TTC21B: variants seen among roughly 807,000 people sequenced by gnomAD.
The protein encoded by TTC21B is tetratricopeptide repeat protein 21B.
Under a neutral mutation model 175.1 loss-of-function variants are expected in TTC21B, and 127 were observed. The observed-to-expected ratio is 0.73, with a 90% confidence interval of 0.63 to 0.84. TTC21B has a LOEUF of 0.84. Among genes scored for constraint, TTC21B ranks in the 40% least tolerant of loss-of-function variants. The probability of loss-of-function intolerance (pLI) is 0.00; values close to 1 mark genes in which losing one functional copy is unlikely to be tolerated. For missense variants in TTC21B, 1,561 were observed against 1,558.3 expected, an observed-to-expected ratio of 1.00 and a Z score of -0.03; for synonymous variants, 524 against 524.5, an observed-to-expected ratio of 1.00 and a Z score of 0.01.
intron 11 of TTC21B, among the ~76,000 whole-genome samples, chr2:165,925,467 T>A (rs1686593865): frequency 6.6e-6 from 1 of 152,140 alleles, no homozygotes. Context: ...TTTCTTTATG[T>A]AAGGATGATC....
intron 19 of TTC21B, among the ~76,000 whole-genome samples, chr2:165,906,035 A>C (rs984986140): frequency 6.6e-6 from 1 of 152,144 alleles, no homozygotes; most frequent in African/African-American, 2.4e-5. Flanking sequence ...AAAGATAACA[A>C]GCAAATCAGA....
intron 6 of TTC21B, among the ~76,000 whole-genome samples, chr2:165,940,062 T>A (rs1312445603): frequency 6.6e-6 from 1 of 152,186 alleles, no homozygotes; most frequent in Non-Finnish European, 1.5e-5. Context: ...TTCATTATCA[T>A]CATTGTTGTT....
intron 14 of TTC21B, 52 bp downstream of exon 14, chr2:165,917,205 T>A: frequency 6.6e-7 from 1 of 1,515,072 alleles, no homozygotes; most frequent in Non-Finnish European, 9.2e-7. Flanking sequence ...CTAATATATA[T>A]GTTAGAATAA....
intron 24 of TTC21B, among the ~76,000 whole-genome samples, chr2:165,889,458 G>C (rs763949555): frequency 6.6e-6 from 1 of 152,140 alleles, no homozygotes; most frequent in African/African-American, 2.4e-5. Context: ...TATGCACTCT[G>C]CAGATGTCTC....
Position 165,880,747 on chromosome 2 carries a change from G to A in TTC21B, c.3737C>T (p.Ala1246Val). The A allele has an allele frequency of 6.2e-7, 1 of 1,613,290 alleles. No homozygotes were observed. The highest frequency in any genetic ancestry group is 8.5e-7 in the Non-Finnish European group (1 of 1,179,708). Reference protein sequence around the residue: ...YMGYIMEKEQAYTDAALNYEM... With the variant: ...YMGYIMEKEQVYTDAALNYEM... ...ATAGTTCAAGGCAGCATCTGTATAT[G>A]CTTGCTCTTTTTCCATAATGTATCC... Residue 1246 changes from alanine (A) to valine (V), a missense_variant, in exon 27 of 29, where the codon GCA becomes GTA. Coordinates refer to ENST00000243344, the MANE Select transcript of TTC21B (RefSeq NM_024753.5).
At chr2:165,925,060 G>T (rs148721131) in intron 11 of TTC21B, among the ~76,000 whole-genome samples, 75 of 152,258 alleles carry the variant, frequency 4.9e-4, no homozygotes, top group East Asian at 4.6e-3. Context: ...GTAAGTGTTC[G>T]AATTCTAGAT....
At chr2:165,891,100 T>C in intron 22 of TTC21B, 112 bp from the exon 23 acceptor site, 1 of 962,784 alleles carries the variant, frequency 1.0e-6, no homozygotes, top group Non-Finnish European at 1.6e-6. Flanking sequence ...ACATTTTAAA[T>C]ATAAATAAAA....
chr2:165,882,734 T>TC lies in TTC21B; in HGVS notation c.3684+1059dup, dbSNP rs1200614411. Among the ~76,000 whole-genome samples, 5 of 152,324 alleles carry TC rather than the reference T, an allele frequency of 3.3e-5. No homozygotes were observed. In the South Asian group the frequency reaches 6.2e-4, roughly 19 times the overall value. On this transcript the variant is annotated intron_variant, in intron 26 of 28. Coordinates refer to ENST00000243344, the MANE Select transcript of TTC21B (RefSeq NM_024753.5). ...TCAACCAGCAGGGCTGAATGAAGCT[T>TC]CTAAAGCAGCCATCATGTTCAACCA...
chr2:165,906,970 A>G (rs528264306), intron 19 of TTC21B, among the ~76,000 whole-genome samples: 10 of 151,188 alleles, frequency 6.6e-5, no homozygotes, highest in Admixed American at 2.6e-4. Flanking sequence ...AAAAAAAAAA[A>G]AAAAAAAGAA....
intron 19 of TTC21B, among the ~76,000 whole-genome samples, chr2:165,904,067 ATGTC>A (rs961705857): frequency 1.8e-4 from 28 of 152,264 alleles, no homozygotes; most frequent in African/African-American, 6.3e-4. Flanking sequence ...GTTGCTTCAT[ATGTC>A]TGCTTTTATA....
chr2:165,933,251 T>C (rs1373182652), intron 6 of TTC21B, among the ~76,000 whole-genome samples, 194 bp from the exon 7 acceptor site: 1 of 152,208 alleles, frequency 6.6e-6, no homozygotes, highest in Non-Finnish European at 1.5e-5. Context: ...GAGTTTAATT[T>C]TTAATATGTT....
chr2:165,915,174 A>C, intron 15 of TTC21B, 27 bp downstream of exon 15: 1 of 1,582,008 alleles, frequency 6.3e-7, no homozygotes, highest in Non-Finnish European at 8.7e-7. Flanking sequence ...ATGTATCAAA[A>C]TATAATGGGT....
intron 8 of TTC21B, 106 bp downstream of exon 8, chr2:165,931,652 T>C: frequency 1.1e-6 from 1 of 911,838 alleles, no homozygotes; most frequent in Non-Finnish European, 1.8e-6. Flanking sequence ...TTTAAATACA[T>C]ATTTGCACTC....
intron 14 of TTC21B, 57 bp from the exon 15 acceptor site, chr2:165,915,496 G>A: frequency 1.6e-6 from 2 of 1,284,478 alleles, no homozygotes; most frequent in Non-Finnish European, 2.3e-6. Context: ...AATAACACTA[G>A]AAAGGGAGAT....
chr2:165,904,268 C>A (rs1348545025), intron 19 of TTC21B, among the ~76,000 whole-genome samples: 1 of 152,028 alleles, frequency 6.6e-6, no homozygotes, highest in Non-Finnish European at 1.5e-5. Context: ...AAAATAAGAG[C>A]TAAAATGTAC....
chr2:165,943,396 T>A, intron 4 of TTC21B, 55 bp from the exon 5 acceptor site: 3 of 1,352,756 alleles, frequency 2.2e-6, no homozygotes, highest in South Asian at 1.2e-5. Flanking sequence ...AAATAAATGT[T>A]AATGAAAGAG....
At chr2:165,914,698 T>TGTG (rs71031214) in intron 15 of TTC21B, among the ~76,000 whole-genome samples, 15 of 132,424 alleles carry the variant, frequency 1.1e-4, no homozygotes, top group Admixed American at 3.0e-4. Context: ...TGTGTGTGTG[T>TGTG]TGTGTATCCC....
intron 26 of TTC21B, among the ~76,000 whole-genome samples, chr2:165,881,334 G>A (rs1684827824): frequency 6.6e-6 from 1 of 152,040 alleles, no homozygotes; most frequent in Admixed American, 6.6e-5. Flanking sequence ...CTCCTTAATA[G>A]CACCAAATAT....
chr2:165,919,511 G>T, intron 12 of TTC21B, 78 bp from the exon 13 acceptor site: 2 of 1,505,502 alleles, frequency 1.3e-6, no homozygotes, highest in Non-Finnish European at 1.8e-6. Flanking sequence ...GAAGAAGAGT[G>T]TTTAGTTTAC....
Sources: gnomAD v4.1 joint callset for allele counts (sites outside exome capture counted in the v4.1 genomes callset) on GRCh38, gnomAD v4.1.1 for gene constraint, MANE v1.5 for transcripts, NCBI Gene and HGNC (gene_info 2026-07-23, HGNC 2026-07-21) for gene names.